Variants in NDUFC2 observed in about 807,000 individuals in gnomAD.
NDUFC2 encodes the protein NADH dehydrogenase [ubiquinone] 1 subunit C2.
In NDUFC2, 2 loss-of-function variants were observed where a neutral mutation model predicts 10.1. That is an observed-to-expected ratio of 0.20 (90% CI 0.08 to 0.62). The LOEUF (loss-of-function observed/expected upper bound fraction) is 0.62. Ranked by LOEUF, NDUFC2 falls within the 20% of genes least tolerant of loss-of-function variation. The pLI is 0.87. For missense variants in NDUFC2, 156 were observed against 159.6 expected (o/e 0.98, Z 0.12); for synonymous variants, 61 against 63.6 (o/e 0.96, Z 0.20).
At position 78,068,302 on chromosome 11, in the gene NDUFC2, T is replaced by C. The variant is rs1370779781; in HGVS notation, c.*1685A>G. 1 of 152,196 alleles carries C rather than the reference T, an allele frequency of 6.6e-6. No individual in the cohort carries two copies. The highest frequency in any genetic ancestry group is 1.5e-5 in the Non-Finnish European group (1 of 68,042). The allele number at this position is 152,196 out of a possible 1,614,324, so 9.4% of individuals were successfully genotyped here. A position where few individuals can be genotyped will look rare whatever the true frequency, so the allele number is the denominator to read the frequency against. On this transcript the variant is annotated 3_prime_UTR_variant, in exon 3 of 3. Transcript: ENST00000281031. The stretch of plus-strand genomic sequence containing the variant: ...CTGATGAGATCAACAACAGGTGAAC[T>C]ATAAACCTATTATTTATTGCAGAAC...
Position 78,079,844 on chromosome 11 carries a change from T to A in NDUFC2, c.-100A>T. 1 of 1,446,580 alleles carries A rather than the reference T, an allele frequency of 6.9e-7. No individual in the cohort carries two copies. The highest frequency in any genetic ancestry group is 1.5e-5 in the African/African-American group (1 of 67,252). 89.6% of individuals were successfully genotyped at this position (1,446,580 alleles called of 1,614,324 possible). A position where few individuals can be genotyped will look rare whatever the true frequency, so the allele number is the denominator to read the frequency against. On this transcript the variant is annotated 5_prime_UTR_variant, in exon 1 of 3. Coordinates refer to ENST00000281031, the MANE Select transcript of NDUFC2 (RefSeq NM_004549.6). The stretch of plus-strand genomic sequence containing the variant: ...GCCTAAGCGGTCAGCTTTCTCCTCC[T>A]CCTCTGCGCGCCGGACTCACGGGCA...
intron 1 of NDUFC2, among the ~76,000 whole-genome samples, chr11:78,076,741 C>T (rs539215845): frequency 1.3e-5 from 2 of 152,308 alleles, no homozygotes; most frequent in Non-Finnish European, 2.9e-5. Context: ...AACTGCTATA[C>T]TCTTCTGTCT....
intron 2 of NDUFC2, 36 bp from the exon 3 acceptor site, chr11:78,070,072 A>G: frequency 7.1e-7 from 1 of 1,401,882 alleles, no homozygotes; most frequent in Non-Finnish European, 9.8e-7. Context: ...TTTATTTTAA[A>G]AATATGTTTT....
At chr11:78,071,868 C>T (rs1011894078) in intron 2 of NDUFC2, among the ~76,000 whole-genome samples, 15 of 152,030 alleles carry the variant, frequency 9.9e-5, no homozygotes, top group Non-Finnish European at 1.9e-4. Flanking sequence ...AGGGCAGGTT[C>T]GGGACAAAGC....
chr11:78,070,553 C>A (rs771854063), intron 2 of NDUFC2, among the ~76,000 whole-genome samples: 7 of 152,088 alleles, frequency 4.6e-5, no homozygotes, highest in Non-Finnish European at 8.8e-5. Context: ...AAGACAAACC[C>A]CTAAGAATTT....
In NDUFC2 at chr11:78,069,814, T is replaced by A. The variant is rs1858913477; in HGVS notation, c.*173A>T. 1 of 1,413,606 alleles carries A rather than the reference T, an allele frequency of 7.1e-7. No individual in the cohort carries two copies. Among genetic ancestry groups the A allele is most frequent in the African/African-American group, 1.4e-5 (1 of 69,810 alleles). The allele number at this position is 1,413,606 out of a possible 1,614,324, so 87.6% of individuals were successfully genotyped here. ...TGAATGGAAACTGACCATTCTCTGATGATGAACTATTTTTCTTACAACAAT... is the reference window on the plus strand; with the variant it reads ...TGAATGGAAACTGACCATTCTCTGAAGATGAACTATTTTTCTTACAACAAT... On this transcript the variant is annotated 3_prime_UTR_variant, in exon 3 of 3. Transcript: ENST00000281031.
At chr11:78,078,729 T>TTTTTTTTTTTTTTTTC (rs1313815633) in intron 1 of NDUFC2, among the ~76,000 whole-genome samples, 1 of 63,486 alleles carries the variant, frequency 1.6e-5, no homozygotes, top group Non-Finnish European at 3.3e-5. Context: ...CAGGATCCGC[T>TTTTTTTTTTTTTTTTC]TTTTTTTTTT....
At chr11:78,073,597 A>G (rs1473307830) in intron 1 of NDUFC2, among the ~76,000 whole-genome samples, 1 of 152,022 alleles carries the variant, frequency 6.6e-6, no homozygotes, top group Non-Finnish European at 1.5e-5. Flanking sequence ...ACCTGAGGTC[A>G]GGAGTACAAG....
rs1419773291 is a variant in NDUFC2, at chr11:78,069,915, C to CA, written c.*71dup. ...ACAGATTAGCATAAGCTTCAACTGT[C>CA]ATAAGAAACATGTTCCATCAAATTC... On this transcript the variant is annotated 3_prime_UTR_variant, in exon 3 of 3. Coordinates refer to ENST00000281031, the MANE Select transcript of NDUFC2 (RefSeq NM_004549.6). 7 of 1,613,330 alleles carry CA rather than the reference C, an allele frequency of 4.3e-6. No homozygotes were observed. The highest frequency in any genetic ancestry group is 5.1e-6 in the Non-Finnish European group (6 of 1,179,794).
intron 1 of NDUFC2, among the ~76,000 whole-genome samples, chr11:78,073,610 C>T (rs1859111613): frequency 6.6e-6 from 1 of 151,700 alleles, no homozygotes. Flanking sequence ...AGTACAAGAC[C>T]AGTTCACATG....
chr11:78,070,090 G>A (rs547692103), intron 2 of NDUFC2, 54 bp from the exon 3 acceptor site: 3 of 1,309,326 alleles, frequency 2.3e-6, no homozygotes, highest in Non-Finnish European at 3.2e-6. Flanking sequence ...TTTAAAAATT[G>A]TATTTCCTAA....
chr11:78,070,146 G>C (rs1033741062), intron 2 of NDUFC2, 110 bp from the exon 3 acceptor site: 11 of 763,100 alleles, frequency 1.4e-5, no homozygotes, highest in Admixed American at 5.5e-5. Context: ...TCCTGCTGTG[G>C]TCTGAATGTT....
In NDUFC2 at chr11:78,069,714, G is replaced by A; in HGVS notation, c.*273C>T. On this transcript the variant is annotated 3_prime_UTR_variant, in exon 3 of 3. Transcript: ENST00000281031. ...GGCTGTGTTCCAATGAGACTTTATTGGCAGTGGGCCAGATTTGGGTAGTCT... is the reference window on the plus strand; with the variant it reads ...GGCTGTGTTCCAATGAGACTTTATTAGCAGTGGGCCAGATTTGGGTAGTCT... 1 of 644,032 alleles carries A rather than the reference G, an allele frequency of 1.6e-6. No homozygotes were observed. The highest frequency in any genetic ancestry group is 2.1e-5 in the South Asian group (1 of 47,910). The allele number at this position is 644,032 out of a possible 1,614,324, so 39.9% of individuals were successfully genotyped here. A position where few individuals can be genotyped will look rare whatever the true frequency, so the allele number is the denominator to read the frequency against.
At chr11:78,079,554 C>G (rs59275979) in intron 1 of NDUFC2, 25 bp downstream of exon 1, 4 of 1,547,010 alleles carry the variant, frequency 2.6e-6, no homozygotes, top group Non-Finnish European at 3.5e-6. Context: ...CTCCTCCCAG[C>G]CGATCCCGGC....
At chr11:78,077,414 C>T (rs982307907) in intron 1 of NDUFC2, among the ~76,000 whole-genome samples, 9 of 152,194 alleles carry the variant, frequency 5.9e-5, no homozygotes, top group Non-Finnish European at 1.0e-4. Context: ...ATTTTACCTA[C>T]AGAATCTCAC....
rs760630882 is a variant in NDUFC2, at chr11:78,073,065, C to T, written c.243G>A (p.Leu81=). 2.0e-5 allele frequency: 32 copies of T among 1,613,850 alleles called. No individual in the cohort carries two copies. Among genetic ancestry groups the T allele is most frequent in the African/African-American group, 4.0e-5 (3 of 74,856 alleles). Residue 81 remains leucine, a synonymous_variant, in exon 2 of 3, where the codon CTG becomes CTA. Transcript: ENST00000281031. ...ACATTTCACGGTCCCTCACAGCATA[C>T]AGGTAGTCTTCACGTTTTACAAGAT... ...GYYLVKREDY[L]YAVRDREMFG... is the part of the protein sequence containing the mutation.
At chr11:78,078,728 C>CTTTGTTTTTTTTTTTTTTTTT (rs1859358150) in intron 1 of NDUFC2, among the ~76,000 whole-genome samples, 1 of 61,642 alleles carries the variant, frequency 1.6e-5, no homozygotes, top group Non-Finnish European at 3.0e-5. Context: ...TCAGGATCCG[C>CTTTGTTTTTTTTTTTTTTTTT]TTTTTTTTTT....
At chr11:78,079,506 G>A (rs1859414753) in intron 1 of NDUFC2, 73 bp downstream of exon 1, 1 of 1,508,356 alleles carries the variant, frequency 6.6e-7, no homozygotes, top group Non-Finnish European at 8.9e-7. Flanking sequence ...CCTCAGGGGG[G>A]CCTACGGCCG....
At position 78,079,855 on chromosome 11, in the gene NDUFC2, C is replaced by A; in HGVS notation, c.-111G>T. 3 of 1,431,090 alleles carry A rather than the reference C, an allele frequency of 2.1e-6. No individual in the cohort carries two copies. The highest frequency in any genetic ancestry group is 1.8e-6 in the Non-Finnish European group (2 of 1,083,726). The allele number at this position is 1,431,090 out of a possible 1,614,324, so 88.6% of individuals were successfully genotyped here. ...CAGCTTTCTCCTCCTCCTCTGCGCG[C>A]CGGACTCACGGGCACGGCGCAGCGC... is the stretch of plus-strand genomic sequence containing the variant. On this transcript the variant is annotated 5_prime_UTR_variant, in exon 1 of 3. Coordinates refer to ENST00000281031, the MANE Select transcript of NDUFC2 (RefSeq NM_004549.6).
Sources: allele counts gnomAD v4.1 joint callset (sites outside exome capture counted in the v4.1 genomes callset), GRCh38; gene constraint gnomAD v4.1.1; transcripts MANE v1.5; gene names NCBI Gene and HGNC (gene_info 2026-07-23, HGNC 2026-07-21).